The following CREB1 variants were observed in gnomAD, a reference collection of about 807,000 sequenced individuals.
The protein encoded by CREB1 is cAMP responsive element binding protein 1.
A neutral mutation model predicts 42.0 loss-of-function variants in CREB1; 2 were observed. That is an observed-to-expected ratio of 0.05 (90% confidence interval 0.02 to 0.15). The LOEUF (loss-of-function observed/expected upper bound fraction) is 0.15, where lower values mean the gene tolerates loss of function less well. Ranked by LOEUF, CREB1 falls within the 10% of genes least tolerant of loss-of-function variation. CREB1 has a pLI of 1.00. For synonymous variants in CREB1, 123 were observed against 139.9 expected (o/e 0.88, Z 0.85); for missense variants, 199 against 388.9 (o/e 0.51, Z 4.11).
chr2:207,577,250 T>G (rs2082631227), intron 6 of CREB1: 8 of 1,076,766 alleles, frequency 7.4e-6, no homozygotes, highest in Middle Eastern at 3.8e-4. Flanking sequence ...AACAACAGAA[T>G]AGAACTGCAT....
chr2:207,571,315 C>A (rs188854459), intron 5 of CREB1, among the ~76,000 whole-genome samples: 3 of 151,940 alleles, frequency 2.0e-5, no homozygotes, highest in South Asian at 2.1e-4. Context: ...GAGTTTAAGA[C>A]CCCATCCCTA....
intron 3 of CREB1, chr2:207,561,210 T>G: frequency 6.9e-7 from 1 of 1,450,710 alleles, no homozygotes; most frequent in Non-Finnish European, 9.6e-7. Context: ...GAAAGGAAGG[T>G]GAGAAATTAT....
chr2:207,550,875 C>T (rs1230120826), intron 1 of CREB1, among the ~76,000 whole-genome samples: 3 of 152,290 alleles, frequency 2.0e-5, no homozygotes, highest in East Asian at 3.9e-4. Context: ...TTTTTCTACA[C>T]GCTTCCCATC....
chr2:207,559,161 C>T, intron 2 of CREB1: 1 of 189,572 alleles, frequency 5.3e-6, no homozygotes, highest in Non-Finnish European at 9.8e-6. Context: ...ACCATTGGTG[C>T]TGAGCTGCTG....
rs750201397 is a variant in CREB1, at chr2:207,575,375, G to A, written c.609G>A (p.Pro203=). ...LTMTNAAATQ[P]GTTILQYAQT... is the part of the protein sequence containing the mutation. ...TGACCAATGCAGCAGCCACTCAGCC[G>A]GGTACTACCATTCTACAGTATGCAC... The change falls in exon 6 of 8, where the codon CCG becomes CCA. Residue 203 remains proline, a synonymous_variant. Transcript: ENST00000353267. 9.3e-6 allele frequency: 15 copies of A among 1,613,972 alleles called. No homozygotes were observed. The highest frequency in any genetic ancestry group is 6.7e-5 in the Admixed American group (4 of 59,982).
At chr2:207,580,367 G>T in intron 7 of CREB1, among the ~76,000 whole-genome samples, 1 of 152,082 alleles carries the variant, frequency 6.6e-6, no homozygotes, top group East Asian at 1.9e-4. Flanking sequence ...TGCTTTCCTT[G>T]AATGTTCATT....
intron 1 of CREB1, chr2:207,534,463 C>T (rs2080784665): frequency 6.6e-6 from 1 of 152,304 alleles, no homozygotes; most frequent in African/African-American, 2.4e-5. Flanking sequence ...TCTTGAATGC[C>T]TGGGATTATA....
Position 207,575,280 on chromosome 2 carries a change from A to G in CREB1, c.514A>G (p.Thr172Ala), listed in dbSNP as rs2082531102. ...QTSSGQYIAITQGGAIQLANN... is the reference protein window; with the variant it reads ...QTSSGQYIAIAQGGAIQLANN... ...AATCCATTGGCTTTTAGTTGCCATTACCCAGGGAGGAGCAATACAGCTGGC... is the reference window on the plus strand; with the variant it reads ...AATCCATTGGCTTTTAGTTGCCATTGCCCAGGGAGGAGCAATACAGCTGGC... Residue 172 changes from threonine to alanine, a missense_variant, in exon 6 of 8, where the codon ACC becomes GCC. Thr to Ala is a moderately conservative substitution (Grantham distance 58, BLOSUM62 0). Coordinates refer to ENST00000353267, the MANE Select transcript of CREB1 (RefSeq NM_004379.5). 4 of 1,613,824 alleles carry G rather than the reference A, an allele frequency of 2.5e-6. No individual in the cohort carries two copies. In the South Asian group the frequency reaches 4.4e-5, roughly 18 times the overall value.
rs547038547 is a variant in CREB1, at chr2:207,597,274, C to T, written c.*216C>T. 61 of 455,194 alleles carry T rather than the reference C, an allele frequency of 1.3e-4. No individual in the cohort carries two copies. In the South Asian group the frequency reaches 1.6e-3, roughly 12 times the overall value. The allele number at this position is 455,194 out of a possible 1,614,324, so 28.2% of individuals were successfully genotyped here. On this transcript the variant is annotated 3_prime_UTR_variant, in exon 8 of 8. Transcript: ENST00000353267. ...ACTTCTCCCCTCAAGAAATTTTCAA[C>T]GCCAGGAATCATGAAGAGACTTCTG...
intron 7 of CREB1, among the ~76,000 whole-genome samples, chr2:207,585,571 A>G (rs549094401): frequency 6.6e-6 from 1 of 152,206 alleles, no homozygotes; most frequent in African/African-American, 2.4e-5. Context: ...TTCCACTAAC[A>G]GATCTCAAAG....
intron 1 of CREB1, among the ~76,000 whole-genome samples, chr2:207,554,331 G>A (rs905575394): frequency 6.6e-6 from 1 of 152,142 alleles, no homozygotes; most frequent in African/African-American, 2.4e-5. Flanking sequence ...CATTGTGATG[G>A]AGTGTAATGA....
chr2:207,588,032 C>T (rs1243501816), intron 7 of CREB1, among the ~76,000 whole-genome samples: 4 of 152,168 alleles, frequency 2.6e-5, no homozygotes, highest in Admixed American at 6.5e-5. Flanking sequence ...ACTGTATACA[C>T]ATATTAGAAT....
chr2:207,586,999 A>G (rs906263123), intron 7 of CREB1, among the ~76,000 whole-genome samples: 1 of 152,218 alleles, frequency 6.6e-6, no homozygotes. Flanking sequence ...GATGCAGAGA[A>G]AGGTGAACTC....
chr2:207,581,363 A>T (rs867687709), intron 7 of CREB1: 3 of 200,328 alleles, frequency 1.5e-5, no homozygotes, highest in Non-Finnish European at 3.1e-5. Flanking sequence ...TTAAGAGTAA[A>T]TAAAGGTGTA....
intron 7 of CREB1, among the ~76,000 whole-genome samples, chr2:207,593,577 T>C (rs2085497948): frequency 6.6e-6 from 1 of 152,098 alleles, no homozygotes; most frequent in Non-Finnish European, 1.5e-5. Flanking sequence ...AATTGATAGT[T>C]ACATGAGGAT....
In CREB1 at chr2:207,535,728, A is replaced by T. The variant is rs184568891; in HGVS notation, c.-9+5594A>T. On this transcript the variant is annotated intron_variant, in intron 1 of 7. Transcript: ENST00000353267. ...GTAATACGTATTTCAGCCAAAGCAC[A>T]AAATGCGTTTCACTACCTTTTTTTT... 1.3e-3 allele frequency among the ~76,000 whole-genome samples: 198 copies of T among 152,048 alleles called. 1 individual carries two copies. The highest frequency in any genetic ancestry group is 2.3e-3 in the Non-Finnish European group (156 of 67,994).
At chr2:207,578,336 A>T (rs992938736) in intron 7 of CREB1, among the ~76,000 whole-genome samples, 2 of 152,238 alleles carry the variant, frequency 1.3e-5, no homozygotes, top group African/African-American at 4.8e-5. Flanking sequence ...GAACTTTCAT[A>T]TAGAAGTGAC....
intron 6 of CREB1, among the ~76,000 whole-genome samples, chr2:207,576,162 C>A (rs180924582): frequency 7.3e-5 from 11 of 150,192 alleles, no homozygotes; most frequent in African/African-American, 2.4e-4. Context: ...GGATCTTATA[C>A]CAATATGCAA....
chr2:207,543,709 TCTCCTGC>T (rs1431452580), intron 1 of CREB1, among the ~76,000 whole-genome samples: 1 of 152,110 alleles, frequency 6.6e-6, no homozygotes, highest in Admixed American at 6.6e-5. Flanking sequence ...TTCAAGTGAT[TCTCCTGC>T]CTCAGCCTAC....
Sources: allele counts gnomAD v4.1 joint callset (sites outside exome capture counted in the v4.1 genomes callset), GRCh38; gene constraint gnomAD v4.1.1; transcripts MANE v1.5; gene names NCBI Gene and HGNC (gene_info 2026-07-23, HGNC 2026-07-21).